Variants in LYPD6B observed in about 807,000 individuals in gnomAD.
LYPD6B encodes the protein LY6/PLAUR domain containing 6B.
Under a neutral mutation model 22.8 loss-of-function variants are expected in LYPD6B, and 17 were observed. The ratio of observed to expected loss-of-function variants is 0.75; its 90% CI spans 0.51 to 1.12. LYPD6B has a LOEUF of 1.12. Ranked by LOEUF, LYPD6B falls within the 50% of genes most tolerant of loss-of-function variation. The pLI is 0.00. For missense variants in LYPD6B, 221 were observed against 258.3 expected (o/e 0.86, Z 0.99); for synonymous variants, 106 against 91.6 (o/e 1.16, Z -0.90).
chr2:149,136,444 T>C (rs1269502273), intron 2 of LYPD6B, among the ~76,000 whole-genome samples: 1 of 152,236 alleles, frequency 6.6e-6, no homozygotes, highest in Non-Finnish European at 1.5e-5. Flanking sequence ...ATTAGCTTCT[T>C]AGGAGATTCG....
chr2:149,115,114 T>G (rs1310712038), intron 1 of LYPD6B, among the ~76,000 whole-genome samples: 1 of 152,108 alleles, frequency 6.6e-6, no homozygotes, highest in Non-Finnish European at 1.5e-5. Flanking sequence ...AATTTTTGTC[T>G]TTTTAGTAGA....
intron 1 of LYPD6B, among the ~76,000 whole-genome samples, chr2:149,084,119 T>TAAAAC (rs1292878653): frequency 6.6e-6 from 1 of 151,054 alleles, no homozygotes; most frequent in Non-Finnish European, 1.5e-5. Context: ...TAAAATAAAA[T>TAAAAC]AAAACACTTT....
chr2:149,165,303 G>A (rs1479711414), intron 3 of LYPD6B, among the ~76,000 whole-genome samples: 3 of 152,110 alleles, frequency 2.0e-5, no homozygotes, highest in South Asian at 2.1e-4. Flanking sequence ...TCAAGGGGAG[G>A]GCATTGGAAA....
chr2:149,129,804 G>T (rs942864420), intron 1 of LYPD6B, among the ~76,000 whole-genome samples: 1 of 152,304 alleles, frequency 6.6e-6, no homozygotes, highest in East Asian at 1.9e-4. Flanking sequence ...ACTCATCTTT[G>T]TATTGTTCAT....
intron 2 of LYPD6B, among the ~76,000 whole-genome samples, chr2:149,146,054 T>C (rs1359356650): frequency 1.3e-5 from 2 of 152,220 alleles, no homozygotes; most frequent in Non-Finnish European, 2.9e-5. Flanking sequence ...TCCATCTGCA[T>C]GTCCATCTGA....
At chr2:149,130,608 T>G (rs1459498062) in intron 1 of LYPD6B, among the ~76,000 whole-genome samples, 1 of 152,034 alleles carries the variant, frequency 6.6e-6, no homozygotes, top group Non-Finnish European at 1.5e-5. Context: ...GGGAAAGGAG[T>G]GTTGACTGCA....
At position 149,205,287 on chromosome 2, in the gene LYPD6B, AGCATGCT is replaced by A; in HGVS notation, c.115_121del (p.Met39SerfsTer8). On this transcript the variant is annotated frameshift_variant, in exon 4 of 7. Transcript: ENST00000409642. LOFTEE classifies it high-confidence loss of function. ...TTCGGACCGCCCAGCACACAAGGTC[AGCATGCT>A]GCTCCTCTGTCACGCTCTCGCTATA... 3.1e-6 allele frequency: 5 copies of A among 1,613,934 alleles called. No individual in the cohort carries two copies. Among genetic ancestry groups the A allele is most frequent in the Non-Finnish European group, 3.4e-6 (4 of 1,179,820 alleles).
rs910274729 is a variant in LYPD6B at position 149,198,397 on chromosome 2, A to G, written c.78-6856A>G. ...ACCATGTTACCTTTCTGGTGTCATGAAAGCCTTCTCCAGAAAGGTATAAAA... is the reference window on the plus strand; with the variant it reads ...ACCATGTTACCTTTCTGGTGTCATGGAAGCCTTCTCCAGAAAGGTATAAAA... On this transcript the variant is annotated intron_variant, in intron 3 of 6. Transcript: ENST00000409642. 9.9e-5 allele frequency among the ~76,000 whole-genome samples: 15 copies of G among 152,278 alleles called. 1 individual carries two copies. The highest frequency in any genetic ancestry group is 8.3e-4 in the South Asian group (4 of 4,828).
At chr2:149,142,557 G>A (rs980711666) in intron 2 of LYPD6B, among the ~76,000 whole-genome samples, 2 of 152,106 alleles carry the variant, frequency 1.3e-5, no homozygotes, top group African/African-American at 2.4e-5. Context: ...AGGAGATACC[G>A]CATCCTTAAA....
chr2:149,081,503 G>A (rs781105884), intron 1 of LYPD6B, among the ~76,000 whole-genome samples: 6 of 152,180 alleles, frequency 3.9e-5, no homozygotes, highest in Non-Finnish European at 7.3e-5. Context: ...CTCGTTGGCT[G>A]AGCCTGCTTG....
intron 1 of LYPD6B, among the ~76,000 whole-genome samples, chr2:149,119,897 T>C (rs1254173127): frequency 1.3e-5 from 2 of 152,058 alleles, no homozygotes; most frequent in African/African-American, 4.8e-5. Context: ...CCAGCATATA[T>C]AGACAGTAGG....
chr2:149,097,221 G>T (rs1022789791), intron 1 of LYPD6B, among the ~76,000 whole-genome samples: 78 of 152,354 alleles, frequency 5.1e-4, no homozygotes, highest in African/African-American at 1.8e-3. Flanking sequence ...TACTGGAAGT[G>T]CAGGGCAAAG....
chr2:149,158,212 A>G (rs1689827591), intron 2 of LYPD6B, among the ~76,000 whole-genome samples: 1 of 152,170 alleles, frequency 6.6e-6, no homozygotes, highest in Non-Finnish European at 1.5e-5. Flanking sequence ...GAATGTAGCT[A>G]ATATTTTAAA....
intron 1 of LYPD6B, among the ~76,000 whole-genome samples, chr2:149,047,781 C>T (rs1210631571): frequency 2.0e-5 from 3 of 152,174 alleles, no homozygotes; most frequent in South Asian, 4.1e-4. Context: ...TACAGTCCCA[C>T]AGCTCTTGGG....
intron 2 of LYPD6B, chr2:149,131,349 G>A (rs532052661): frequency 5.9e-6 from 1 of 169,292 alleles, no homozygotes; most frequent in East Asian, 1.7e-4. Context: ...AAGATAAGCA[G>A]CAATTTTTTG....
intron 1 of LYPD6B, among the ~76,000 whole-genome samples, chr2:149,122,415 TTC>T (rs981880291): frequency 1.2e-4 from 18 of 152,120 alleles, no homozygotes; most frequent in African/African-American, 3.9e-4. Flanking sequence ...TTATTATTTT[TTC>T]TTTTTCTTTT....
chr2:149,051,899 C>T (rs1460429267), intron 1 of LYPD6B, among the ~76,000 whole-genome samples: 1 of 152,004 alleles, frequency 6.6e-6, no homozygotes, highest in Non-Finnish European at 1.5e-5. Context: ...CTTCTGACCT[C>T]AAGTGATCTG....
chr2:149,165,235 G>A (rs556429683), intron 3 of LYPD6B, among the ~76,000 whole-genome samples: 19 of 152,108 alleles, frequency 1.2e-4, no homozygotes, highest in Admixed American at 7.2e-4. Flanking sequence ...CAGAAATTAC[G>A]TAGCCTCTCT....
At position 149,106,344 on chromosome 2, in the gene LYPD6B, A is replaced by G. The variant is rs142580935; in HGVS notation, c.-66-24539A>G. 7.2e-5 allele frequency among the ~76,000 whole-genome samples: 11 copies of G among 152,252 alleles called. No homozygotes were observed. The East Asian group carries it at 2.1e-3, about 29-fold the overall frequency. ...ATTTTAATTTTCTGGAAGTTTATAT[A>G]CAGTTGGTATTATTTCTTCCTTACA... is the stretch of plus-strand genomic sequence containing the variant. On this transcript the variant is annotated intron_variant, in intron 1 of 6. Coordinates refer to ENST00000409642, the MANE Select transcript of LYPD6B (RefSeq NM_177964.5).
Sources: allele counts gnomAD v4.1 joint callset (sites outside exome capture counted in the v4.1 genomes callset), GRCh38; gene constraint gnomAD v4.1.1; transcripts MANE v1.5; gene names NCBI Gene and HGNC (gene_info 2026-07-23, HGNC 2026-07-21).